Variants in KLHL25 observed in about 807,000 individuals in gnomAD.
KLHL25 encodes the protein kelch like family member 25.
Under a neutral mutation model 30.0 loss-of-function variants are expected in KLHL25, and 41 were observed. That is an observed-to-expected ratio of 1.37 (90% CI 1.07 to 1.78). The LOEUF (loss-of-function observed/expected upper bound fraction) is 1.78. Ranked by LOEUF, KLHL25 falls within the 40% of genes most tolerant of loss-of-function variation. The pLI is 0.00. For synonymous variants in KLHL25, 399 were observed against 355.3 expected (o/e 1.12, Z -1.38); for missense variants, 971 against 824.5 (o/e 1.18, Z -2.18).
At position 85,783,003 on chromosome 15, in the gene KLHL25, C is replaced by T. The variant is rs569406442; in HGVS notation, c.-11+11763G>A. Among the ~76,000 whole-genome samples the T allele has an allele frequency of 8.5e-5, 13 of 152,276 alleles. 1 individual carries two copies. The South Asian group carries it at 2.7e-3, about 32-fold the overall frequency. ...CACGGGAGAAAGAATCAAAATGATC[C>T]AGAGATCTGTTAGACCCACCTGAGA... On this transcript the variant is annotated intron_variant, in intron 1 of 2. Coordinates refer to ENST00000337975, the MANE Select transcript of KLHL25 (RefSeq NM_022480.4).
At chr15:85,774,697 A>C (rs1291970680) in intron 1 of KLHL25, among the ~76,000 whole-genome samples, 1 of 151,962 alleles carries the variant, frequency 6.6e-6, no homozygotes, top group Non-Finnish European at 1.5e-5. Flanking sequence ...CGAGGGTGTC[A>C]GCTCCATCAT....
chr15:85,779,555 C>G (rs139349573), intron 1 of KLHL25, among the ~76,000 whole-genome samples: 114 of 151,948 alleles, frequency 7.5e-4, no homozygotes, highest in Non-Finnish European at 1.3e-3. Context: ...ACTGCAAACA[C>G]AACTACTATT....
intron 2 of KLHL25, chr15:85,764,029 G>T: frequency 6.6e-6 from 1 of 152,462 alleles, no homozygotes; most frequent in Non-Finnish European, 1.5e-5. Context: ...CCCGGTCTGC[G>T]GCTGCCTGAG....
intron 1 of KLHL25, among the ~76,000 whole-genome samples, chr15:85,775,847 C>A (rs1237686022): frequency 7.2e-6 from 1 of 139,086 alleles, no homozygotes; most frequent in African/African-American, 2.7e-5. Flanking sequence ...CAGGCTGCTG[C>A]CTTTCAATGG....
intron 1 of KLHL25, among the ~76,000 whole-genome samples, chr15:85,783,578 GC>G (rs2089759285): frequency 6.6e-6 from 1 of 151,904 alleles, no homozygotes; most frequent in South Asian, 2.1e-4. Flanking sequence ...TGTAATCCCA[GC>G]TACTCAGGAG....
intron 1 of KLHL25, among the ~76,000 whole-genome samples, chr15:85,782,634 G>A (rs549497031): frequency 2.0e-5 from 3 of 152,022 alleles, no homozygotes; most frequent in African/African-American, 7.2e-5. Context: ...GGATGGCCTT[G>A]TCCACAGTAC....
intron 2 of KLHL25, among the ~76,000 whole-genome samples, chr15:85,764,631 G>A (rs529854199): frequency 6.6e-6 from 1 of 152,328 alleles, no homozygotes; most frequent in Admixed American, 6.5e-5. Context: ...ACTCCAGTGG[G>A]CACAGGGCAA....
Position 85,768,610 on chromosome 15 carries a change from C to G in KLHL25, c.1201G>C (p.Gly401Arg). The G allele has an allele frequency of 6.2e-7, 1 of 1,611,860 alleles. No individual in the cohort carries two copies. Among genetic ancestry groups the G allele is most frequent in the South Asian group, 1.1e-5 (1 of 90,972 alleles). ...YVVGGHTSLA[G>R]VFPASPSVSL... ...ACAGAAGGCGAGGCCGGGAAGACCC[C>G]TGCCAGGGATGTGTGTCCCCCCACC... Residue 401 changes from glycine (G) to arginine (R), a missense_variant, in exon 2 of 3, where the codon GGG becomes CGG. Transcript: ENST00000337975.
At chr15:85,790,290 G>C (rs989686778) in intron 1 of KLHL25, among the ~76,000 whole-genome samples, 1 of 152,140 alleles carries the variant, frequency 6.6e-6, no homozygotes, top group African/African-American at 2.4e-5. Context: ...GTTTCTCCAT[G>C]TTGGTCAGGC....
In KLHL25 at chr15:85,769,064, G is replaced by C; in HGVS notation, c.747C>G (p.Ala249=). 1.9e-6 allele frequency: 3 copies of C among 1,606,710 alleles called. No individual in the cohort carries two copies. Among genetic ancestry groups the C allele is most frequent in the Non-Finnish European group, 8.5e-7 (1 of 1,175,772 alleles). ...ALLPSDCLQE[A]VSSEALLMAD... Reference sequence around the variant, plus strand: ...CCATGAGGAGGGCCTCGCTGGAGACGGCCTCCTGCAGGCAGTCGGACGGCA... The same window carrying C: ...CCATGAGGAGGGCCTCGCTGGAGACCGCCTCCTGCAGGCAGTCGGACGGCA... Residue 249 remains alanine (A), a synonymous_variant, in exon 2 of 3, where the codon GCC becomes GCG. Coordinates refer to ENST00000337975, the MANE Select transcript of KLHL25 (RefSeq NM_022480.4).
intron 2 of KLHL25, chr15:85,761,686 C>A (rs2089584062): frequency 6.6e-6 from 1 of 152,272 alleles, no homozygotes; most frequent in Admixed American, 6.5e-5. Context: ...CTCTCACATA[C>A]CACTCCGAGG....
intron 1 of KLHL25, among the ~76,000 whole-genome samples, chr15:85,787,153 C>A (rs960260056): frequency 2.0e-5 from 2 of 101,426 alleles, no homozygotes; most frequent in South Asian, 7.1e-4. Context: ...TGGATAACAT[C>A]AAAAATTTGG....
chr15:85,783,205 A>G (rs1279103096), intron 1 of KLHL25, among the ~76,000 whole-genome samples: 1 of 151,860 alleles, frequency 6.6e-6, no homozygotes, highest in Admixed American at 6.6e-5. Context: ...GGTTCAAGCT[A>G]TTCTCCTGCT....
intron 1 of KLHL25, among the ~76,000 whole-genome samples, chr15:85,772,616 G>C (rs533590652): frequency 1.3e-5 from 2 of 152,338 alleles, no homozygotes; most frequent in African/African-American, 4.8e-5. Flanking sequence ...CTGCCTGCGA[G>C]AGTACCCAGG....
At chr15:85,766,866 G>T (rs1279336062) in intron 2 of KLHL25, among the ~76,000 whole-genome samples, 1 of 152,202 alleles carries the variant, frequency 6.6e-6, no homozygotes, top group African/African-American at 2.4e-5. Flanking sequence ...GCACACAGCT[G>T]CCCCCAGGAG....
intron 1 of KLHL25, among the ~76,000 whole-genome samples, chr15:85,787,755 G>A (rs1318348992): frequency 6.6e-6 from 1 of 152,302 alleles, no homozygotes; most frequent in East Asian, 1.9e-4. Flanking sequence ...ATAAGTTGTA[G>A]AGTATTGAGT....
chr15:85,780,952 G>A (rs940839963), intron 1 of KLHL25, among the ~76,000 whole-genome samples: 2 of 152,144 alleles, frequency 1.3e-5, no homozygotes, highest in Non-Finnish European at 1.5e-5. Flanking sequence ...GAGGGGCTGC[G>A]AACAACTACA....
intron 1 of KLHL25, among the ~76,000 whole-genome samples, chr15:85,774,214 A>G (rs2089695463): frequency 6.6e-6 from 1 of 152,142 alleles, no homozygotes; most frequent in Non-Finnish European, 1.5e-5. Flanking sequence ...CGCTCTGCAC[A>G]TATCACAGAA....
In KLHL25 at chr15:85,769,488, G is replaced by A; in HGVS notation, c.323C>T (p.Ser108Leu). 1.2e-6 allele frequency: 2 copies of A among 1,614,052 alleles called. No individual in the cohort carries two copies. The highest frequency in any genetic ancestry group is 1.1e-5 in the South Asian group (1 of 91,088). The change falls in exon 2 of 3, where the codon TCA (serine) becomes TTA (leucine). Residue 108 changes from serine (S) to leucine (L), a missense_variant. By Grantham distance (145) the Ser-to-Leu change is moderately radical. Coordinates refer to ENST00000337975, the MANE Select transcript of KLHL25 (RefSeq NM_022480.4). Reference sequence around the variant, plus strand: ...GTTCTCCTCGTTGATGGCGATGCGTGAGGAGTAGGCAAAGTCCAGCAGCAG... The same window carrying A: ...GTTCTCCTCGTTGATGGCGATGCGTAAGGAGTAGGCAAAGTCCAGCAGCAG... Reference protein sequence around the residue: ...LELLLDFAYSSRIAINEENAE... With the variant: ...LELLLDFAYSLRIAINEENAE...
Sources: allele counts gnomAD v4.1 joint callset (sites outside exome capture counted in the v4.1 genomes callset), GRCh38; gene constraint gnomAD v4.1.1; transcripts MANE v1.5; gene names NCBI Gene and HGNC (gene_info 2026-07-23, HGNC 2026-07-21).